Variants in PIEZO2 observed in about 807,000 individuals in gnomAD.
PIEZO2 encodes piezo-type mechanosensitive ion channel component 2.
In PIEZO2, 172 loss-of-function variants were observed where a neutral mutation model predicts 337.3. The ratio of observed to expected loss-of-function variants is 0.51; its 90% CI spans 0.45 to 0.58. The LOEUF (loss-of-function observed/expected upper bound fraction) is 0.58. PIEZO2 is among the 20% of genes least tolerant of loss of function. PIEZO2 has a pLI of 0.00. For missense variants in PIEZO2, 3,028 were observed against 3,391.3 expected (o/e 0.89, Z 2.66); for synonymous variants, 1,251 against 1,228.5 (o/e 1.02, Z -0.38).
In PIEZO2 at chr18:11,116,690, G is replaced by A. The variant is rs889720103; in HGVS notation, c.64+31835C>T. Among the ~76,000 whole-genome samples the A allele has an allele frequency of 4.6e-5, 7 of 151,924 alleles. No homozygotes were observed. The highest frequency in any genetic ancestry group is 1.7e-4 in the African/African-American group (7 of 41,308). ...GAGATCCGCCACCGCACTCCAGCCT[G>A]GGCGACAGAACGAGACTCCGTCTCA... On this transcript the variant is annotated intron_variant, in intron 1 of 55. Transcript: ENST00000674853. This position sits in a 1 kb window ranked among gnomAD's most constrained non-coding sequence, Gnocchi z 5.0.
Position 10,988,815 on chromosome 18 carries a change from A to C in PIEZO2, c.161-9155T>G, listed in dbSNP as rs1175159664. On this transcript the variant is annotated intron_variant, in intron 2 of 55. Transcript: ENST00000674853. The surrounding 1 kb of genome is among the most constrained non-coding windows in gnomAD (Gnocchi z 4.8). ...GACATGGAGGGAGGGCATTACGTTA[A>C]GTGAAATAAGCTAGACACAAACAAA... Among the ~76,000 whole-genome samples, 1 of 152,210 alleles carries C rather than the reference A, an allele frequency of 6.6e-6. No homozygotes were observed. The highest frequency in any genetic ancestry group is 1.5e-5 in the Non-Finnish European group (1 of 68,032).
chr18:11,007,647 G>A (rs1878166862), intron 2 of PIEZO2, among the ~76,000 whole-genome samples: 1 of 152,046 alleles, frequency 6.6e-6, no homozygotes, highest in Non-Finnish European at 1.5e-5. Context: ...AAGTAAGGGA[G>A]GACAATGAAA....
At chr18:10,960,272 A>T (rs1016977258) in intron 3 of PIEZO2, among the ~76,000 whole-genome samples, 3 of 152,198 alleles carry the variant, frequency 2.0e-5, no homozygotes, top group African/African-American at 4.8e-5. Context: ...TAAAGGGGCT[A>T]GCTTTAGTAT....
chr18:10,672,748 G>T lies in PIEZO2; in HGVS notation c.8287C>A (p.Leu2763Met). The T allele has an allele frequency of 6.2e-7, 1 of 1,614,098 alleles. No individual in the cohort carries two copies. The highest frequency in any genetic ancestry group is 8.5e-7 in the Non-Finnish European group (1 of 1,180,000). Residue 2763 changes from leucine to methionine, a missense_variant, in exon 55 of 56, where the codon CTG becomes ATG. Physicochemically the swap from Leu to Met is conservative, Grantham distance 15. This residue lies in a region of PIEZO2 where 332 missense variants were observed against 363.8 expected (regional missense o/e 0.91). Coordinates refer to ENST00000674853, the MANE Select transcript of PIEZO2 (RefSeq NM_001378183.1). This position sits in a 1 kb window ranked among gnomAD's most constrained non-coding sequence, Gnocchi z 4.7. ...IYNPNSQALE[L>M]VVFNDKVSPP... Reference sequence around the variant, plus strand: ...CTGACTTTGTCATTGAAGACCACCAGTTCCAGGGCCTGAGAGTTCGGATTG... The same window carrying T: ...CTGACTTTGTCATTGAAGACCACCATTTCCAGGGCCTGAGAGTTCGGATTG...
intron 1 of PIEZO2, among the ~76,000 whole-genome samples, chr18:11,100,664 T>C (rs970774415): frequency 7.9e-5 from 12 of 152,264 alleles, no homozygotes; most frequent in East Asian, 7.7e-4. Context: ...GGCACAGTTT[T>C]GGCTCACTGC....
rs148032730 is a variant in PIEZO2, at chr18:11,135,544, T to C, written c.64+12981A>G. Among the ~76,000 whole-genome samples the C allele has an allele frequency of 8.3e-3, 1,263 of 152,154 alleles. 22 individuals are homozygous for C. Among genetic ancestry groups the C allele is most frequent in the African/African-American group, 0.028 (1,162 of 41,510 alleles). On this transcript the variant is annotated intron_variant, in intron 1 of 55. Transcript: ENST00000674853. ...ATTACAGTTTGGTTCACGTTGCAGA[T>C]TGATTGATTGATTGATTGATTTAGA...
intron 47 of PIEZO2, among the ~76,000 whole-genome samples, chr18:10,691,949 T>C (rs2034867712): frequency 6.6e-6 from 1 of 151,790 alleles, no homozygotes; most frequent in Non-Finnish European, 1.5e-5. Context: ...GTTCTGTCTA[T>C]ATGTTATGGG....
In PIEZO2 at chr18:10,807,208, C is replaced by T. The variant is rs1270162672; in HGVS notation, c.984G>A (p.Pro328=). Residue 328 remains proline, a synonymous_variant, in exon 8 of 56, where the codon CCG becomes CCA. Transcript: ENST00000674853. ...CSSTWKIIVN[P]DLSWYHHANP... is the part of the protein sequence containing the mutation. ...TGGCGTGGTGGTACCACGACAGGTC[C>T]GGGTTCACTATGATCTTCCAAGTAC... The T allele has an allele frequency of 9.8e-6, 15 of 1,537,216 alleles. No individual in the cohort carries two copies. Among genetic ancestry groups the T allele is most frequent in the East Asian group, 2.4e-5 (1 of 40,916 alleles).
chr18:11,037,688 A>C (rs543698030), intron 2 of PIEZO2, among the ~76,000 whole-genome samples: 1 of 152,164 alleles, frequency 6.6e-6, no homozygotes, highest in Admixed American at 6.5e-5. Context: ...CCAGAAGACC[A>C]CTTTGCTGTT....
intron 3 of PIEZO2, among the ~76,000 whole-genome samples, chr18:10,963,629 ACAAAGAG>A (rs1245244992): frequency 1.3e-5 from 2 of 152,232 alleles, no homozygotes; most frequent in Non-Finnish European, 2.9e-5. Flanking sequence ...AGAGTGAGAG[ACAAAGAG>A]CACCTATAAA....
At chr18:10,885,683 TG>T (rs887682029) in intron 4 of PIEZO2, among the ~76,000 whole-genome samples, 128 of 152,152 alleles carry the variant, frequency 8.4e-4, no homozygotes, top group African/African-American at 3.0e-3. Context: ...GGAGAGGTAT[TG>T]GGGAACATTT....
rs1299054940 is a variant in PIEZO2 at position 11,038,835 on chromosome 18, A to T, written c.160+27292T>A. ...ACAAATTAGATAACATATGAAACTTAAAAAATCTATAAAGGGCTATGCTTG... is the reference window on the plus strand; with the variant it reads ...ACAAATTAGATAACATATGAAACTTTAAAAATCTATAAAGGGCTATGCTTG... On this transcript the variant is annotated intron_variant, in intron 2 of 55. Transcript: ENST00000674853. This position sits in a 1 kb window ranked among gnomAD's most constrained non-coding sequence, Gnocchi z 4.1. Among the ~76,000 whole-genome samples the T allele has an allele frequency of 6.6e-6, 1 of 152,216 alleles. No individual in the cohort carries two copies. Among genetic ancestry groups the T allele is most frequent in the Admixed American group, 6.5e-5 (1 of 15,280 alleles).
intron 7 of PIEZO2, among the ~76,000 whole-genome samples, chr18:10,835,070 C>A (rs569762340): frequency 6.6e-6 from 1 of 152,294 alleles, no homozygotes. Context: ...CATGTGAGGA[C>A]ACATCTAGAA....
chr18:10,876,688 T>A (rs1009927165), intron 4 of PIEZO2, among the ~76,000 whole-genome samples: 1 of 152,198 alleles, frequency 6.6e-6, no homozygotes, highest in Non-Finnish European at 1.5e-5. Flanking sequence ...TGGAAACCAA[T>A]GAGTTTTGAA....
intron 1 of PIEZO2, among the ~76,000 whole-genome samples, chr18:11,076,964 G>A (rs1239441099): frequency 1.3e-5 from 2 of 152,106 alleles, no homozygotes; most frequent in African/African-American, 4.8e-5. Flanking sequence ...GTTCAAGTTT[G>A]GCCATGTTTA....
At chr18:10,741,884 T>C (rs2037232391) in intron 32 of PIEZO2, among the ~76,000 whole-genome samples, 1 of 152,174 alleles carries the variant, frequency 6.6e-6, no homozygotes, top group Non-Finnish European at 1.5e-5. Flanking sequence ...CTGGGCTCGG[T>C]GGCTCACGCC....
Position 10,750,279 on chromosome 18 carries a change from G to T in PIEZO2, c.4168-92C>A. ...TCCCAACATGTGCAAGAATTCACAAGGTCTCAGTGATAAGGATTCCAGGAG... is the reference window on the plus strand; with the variant it reads ...TCCCAACATGTGCAAGAATTCACAATGTCTCAGTGATAAGGATTCCAGGAG... On this transcript the variant is annotated intron_variant, in intron 28 of 55. Coordinates refer to ENST00000674853, the MANE Select transcript of PIEZO2 (RefSeq NM_001378183.1). This position sits in a 1 kb window ranked among gnomAD's most constrained non-coding sequence, Gnocchi z 4.1. The T allele has an allele frequency of 1.1e-6, 1 of 908,848 alleles. No individual in the cohort carries two copies. Among genetic ancestry groups the T allele is most frequent in the Non-Finnish European group, 1.7e-6 (1 of 579,582 alleles). The allele number at this position is 908,848 out of a possible 1,614,324, so 56.3% of individuals were successfully genotyped here. A position where few individuals can be genotyped will look rare whatever the true frequency, so the allele number is the denominator to read the frequency against.
At chr18:10,770,073 T>C (rs923132854) in intron 21 of PIEZO2, 75 bp downstream of exon 21, 33 of 1,444,784 alleles carry the variant, frequency 2.3e-5, no homozygotes, top group Middle Eastern at 3.5e-4. Context: ...AAAAAAATCA[T>C]GGACAGCTGG....
chr18:10,708,737 A>T (rs1024230796), intron 39 of PIEZO2, among the ~76,000 whole-genome samples: 1 of 152,220 alleles, frequency 6.6e-6, no homozygotes, highest in Non-Finnish European at 1.5e-5. Flanking sequence ...TTTTTCTCAC[A>T]ATGTATAATT....
Sources: allele counts gnomAD v4.1 joint callset (sites outside exome capture counted in the v4.1 genomes callset), GRCh38; gene constraint gnomAD v4.1.1; regional missense constraint gnomAD v4.1.1; non-coding constraint Gnocchi (gnomAD v3.1); transcripts MANE v1.5; gene names NCBI Gene and HGNC (gene_info 2026-07-23, HGNC 2026-07-21).